RBFOX1: variants seen among roughly 807,000 people sequenced by gnomAD.
The protein encoded by RBFOX1 is RNA binding fox-1 homolog 1.
RBFOX1 carries 8 observed loss-of-function variants against 57.7 expected under a neutral mutation model. The observed-to-expected ratio is 0.14, with a 90% confidence interval of 0.08 to 0.25. The LOEUF is 0.25. Ranked by LOEUF, RBFOX1 falls within the 10% of genes least tolerant of loss-of-function variation. RBFOX1 has a pLI of 1.00. For missense variants in RBFOX1, 611 were observed against 548.5 expected, an observed-to-expected ratio of 1.11 and a Z score of -1.14; for synonymous variants, 326 against 222.4, an observed-to-expected ratio of 1.47 and a Z score of -4.15.
chr16:5,651,984 A>T (rs2049255787), intron 3 of RBFOX1, among the ~76,000 whole-genome samples: 1 of 152,156 alleles, frequency 6.6e-6, no homozygotes. Flanking sequence ...GAAAGAAAAA[A>T]ATAGCCGGGC....
intron 3 of RBFOX1, among the ~76,000 whole-genome samples, chr16:6,697,849 C>T (rs535479211): frequency 6.6e-6 from 1 of 152,158 alleles, no homozygotes; most frequent in Non-Finnish European, 1.5e-5. Flanking sequence ...CCAGGGACAC[C>T]AGATCTGCCC....
At chr16:5,989,843 AACACACACACAC>A (rs199624083) in intron 4 of RBFOX1, among the ~76,000 whole-genome samples, 1 of 20,718 alleles carries the variant, frequency 4.8e-5, no homozygotes, top group Non-Finnish European at 9.3e-5. Context: ...AACACCCCCT[AACACACACACAC>A]ACACACACAC....
intron 5 of RBFOX1, among the ~76,000 whole-genome samples, chr16:7,525,514 G>A (rs1273590087): frequency 6.6e-6 from 1 of 152,250 alleles, no homozygotes; most frequent in East Asian, 1.9e-4. Context: ...CAGAGAGCTT[G>A]CACCGATTTG....
intron 11 of RBFOX1, among the ~76,000 whole-genome samples, chr16:7,638,292 A>G (rs766580050): frequency 6.6e-6 from 1 of 152,208 alleles, no homozygotes; most frequent in Non-Finnish European, 1.5e-5. Flanking sequence ...ATGATTAATT[A>G]TGCTACCTTT....
At chr16:7,362,859 G>A (rs1319500558) in intron 4 of RBFOX1, among the ~76,000 whole-genome samples, 1 of 152,168 alleles carries the variant, frequency 6.6e-6, no homozygotes, top group East Asian at 1.9e-4. Flanking sequence ...GTTTTATAAT[G>A]TACCAGTTAA....
chr16:5,995,043 A>G (rs1156868928), intron 4 of RBFOX1, among the ~76,000 whole-genome samples: 1 of 152,232 alleles, frequency 6.6e-6, no homozygotes, highest in African/African-American at 2.4e-5. Flanking sequence ...TCCTACAACC[A>G]TGCATTGATC....
At chr16:7,034,715 C>T (rs1222636444) in intron 3 of RBFOX1, among the ~76,000 whole-genome samples, 1 of 151,690 alleles carries the variant, frequency 6.6e-6, no homozygotes, top group African/African-American at 2.4e-5. Flanking sequence ...GGACACCTCA[C>T]ATCAGTGCCC....
At chr16:5,364,204 C>G (rs188361880) in intron 1 of RBFOX1, among the ~76,000 whole-genome samples, 124 of 152,344 alleles carry the variant, frequency 8.1e-4, no homozygotes, top group Non-Finnish European at 1.4e-3. Context: ...GGAACAACTT[C>G]TCCTAGAAGT....
At chr16:5,869,650 T>G (rs1442760039) in intron 4 of RBFOX1, among the ~76,000 whole-genome samples, 1 of 152,084 alleles carries the variant, frequency 6.6e-6, no homozygotes, top group Non-Finnish European at 1.5e-5. Flanking sequence ...TGATCTGCCC[T>G]CCTCGGCCTC....
chr16:5,987,676 C>T (rs1164152582), intron 4 of RBFOX1, among the ~76,000 whole-genome samples: 3 of 152,092 alleles, frequency 2.0e-5, no homozygotes, highest in South Asian at 2.1e-4. Flanking sequence ...GAGTAGCCAC[C>T]GTACTGCAGC....
At chr16:7,157,712 C>T (rs527587904) in intron 4 of RBFOX1, among the ~76,000 whole-genome samples, 2 of 152,174 alleles carry the variant, frequency 1.3e-5, no homozygotes, top group Admixed American at 6.6e-5. Context: ...CGCATCACCT[C>T]ATTTTGTGGT....
intron 1 of RBFOX1, among the ~76,000 whole-genome samples, chr16:5,302,614 G>A (rs985793304): frequency 6.6e-6 from 1 of 152,146 alleles, no homozygotes; most frequent in African/African-American, 2.4e-5. Context: ...AATAGGTACA[G>A]CATACATTTT....
chr16:7,128,968 A>C (rs1187934783), intron 4 of RBFOX1, among the ~76,000 whole-genome samples: 1 of 151,648 alleles, frequency 6.6e-6, no homozygotes, highest in Non-Finnish European at 1.5e-5. Context: ...CTACAGGTGC[A>C]TGACACCACG....
chr16:6,527,575 A>G (rs2096598713), intron 2 of RBFOX1, among the ~76,000 whole-genome samples: 1 of 152,052 alleles, frequency 6.6e-6, no homozygotes, highest in Non-Finnish European at 1.5e-5. Context: ...TTGTTTTATT[A>G]TTTAGGACCC....
At chr16:6,981,957 T>C (rs1234069146) in intron 3 of RBFOX1, among the ~76,000 whole-genome samples, 3 of 152,212 alleles carry the variant, frequency 2.0e-5, no homozygotes, top group South Asian at 2.1e-4. Flanking sequence ...GAACTTTTTA[T>C]TGGCACATGA....
chr16:6,849,032 A>T (rs1289430262), intron 3 of RBFOX1, among the ~76,000 whole-genome samples: 1 of 152,210 alleles, frequency 6.6e-6, no homozygotes, highest in South Asian at 2.1e-4. Flanking sequence ...GGCCAGGCTT[A>T]CGTGTCCCTG....
intron 3 of RBFOX1, among the ~76,000 whole-genome samples, chr16:6,852,936 G>A (rs2094148220): frequency 6.6e-6 from 1 of 152,180 alleles, no homozygotes; most frequent in South Asian, 2.1e-4. Flanking sequence ...ATGCAAGGAG[G>A]ATGCTGGGAC....
chr16:6,494,329 C>T (rs1246947849), intron 2 of RBFOX1, among the ~76,000 whole-genome samples: 1 of 152,160 alleles, frequency 6.6e-6, no homozygotes, highest in African/African-American at 2.4e-5. Context: ...TGAGCAGTTC[C>T]ATCCTGAGGT....
intron 4 of RBFOX1, among the ~76,000 whole-genome samples, chr16:7,268,751 C>G (rs928762978): frequency 6.6e-6 from 1 of 151,996 alleles, no homozygotes; most frequent in African/African-American, 2.4e-5. Context: ...GAATCCATCT[C>G]GGCTGGGCAC....
Sources: allele counts gnomAD v4.1 joint callset (sites outside exome capture counted in the v4.1 genomes callset), GRCh38; gene constraint gnomAD v4.1.1; transcripts MANE v1.5; gene names NCBI Gene and HGNC (gene_info 2026-07-23, HGNC 2026-07-21).